The following PCDHGC5 variants were observed in gnomAD, a reference collection of about 807,000 sequenced individuals.
PCDHGC5 encodes protocadherin gamma subfamily C, 5.
Under a neutral mutation model 59.0 loss-of-function variants are expected in PCDHGC5, and 25 were observed. That is an observed-to-expected ratio of 0.42 (90% CI 0.31 to 0.59). The LOEUF (loss-of-function observed/expected upper bound fraction) is 0.59. Among genes scored for constraint, PCDHGC5 ranks in the 20% least tolerant of loss-of-function variants. The probability of loss-of-function intolerance (pLI) is 0.13; values close to 1 mark genes in which losing one functional copy is unlikely to be tolerated. For missense variants in PCDHGC5, 1,067 were observed against 1,206.4 expected (o/e 0.88, Z 1.71); for synonymous variants, 434 against 505.5 (o/e 0.86, Z 1.90).
In PCDHGC5 at chr5:141,511,402, A is replaced by C; in HGVS notation, c.*229A>C. On this transcript the variant is annotated 3_prime_UTR_variant, in exon 4 of 4. Transcript: ENST00000252087. Reference sequence around the variant, plus strand: ...TTCCGCTGGGAACCCCCATCCAATCAACTGCTGTACCCATGGGGGTAGTGG... The same window carrying C: ...TTCCGCTGGGAACCCCCATCCAATCCACTGCTGTACCCATGGGGGTAGTGG... The C allele has an allele frequency of 1.0e-6, 1 of 969,684 alleles. No individual in the cohort carries two copies. 60.1% of individuals were successfully genotyped at this position (969,684 alleles called of 1,614,324 possible).
rs182936964 is a variant in PCDHGC5, at chr5:141,502,069, T to C, written c.2520-3324T>C. 1.1e-3 allele frequency among the ~76,000 whole-genome samples: 175 copies of C among 152,186 alleles called. 1 individual carries two copies. Among genetic ancestry groups the C allele is most frequent in the African/African-American group, 3.9e-3 (162 of 41,524 alleles). ...CCCTACTTTATTCCCATTAGCCCCC[T>C]TCACCTGGGGCTGAGAACACCTGGC... On this transcript the variant is annotated intron_variant, in intron 2 of 3. Coordinates refer to ENST00000252087, the MANE Select transcript of PCDHGC5 (RefSeq NM_018929.3).
rs1007318194 is a variant in PCDHGC5, at chr5:141,512,035, T to G, written c.*862T>G. On this transcript the variant is annotated 3_prime_UTR_variant, in exon 4 of 4. Coordinates refer to ENST00000252087, the MANE Select transcript of PCDHGC5 (RefSeq NM_018929.3). ...AAGTTATCAAGGCCTTGGAGGAGGC[T>G]CTGTATGTCCTCAGGGGACTGACAA... 1.3e-5 allele frequency: 2 copies of G among 152,870 alleles called. No individual in the cohort carries two copies. Among genetic ancestry groups the G allele is most frequent in the African/African-American group, 4.8e-5 (2 of 41,464 alleles). The allele number at this position is 152,870 out of a possible 1,614,324, so 9.5% of individuals were successfully genotyped here.
In PCDHGC5 at chr5:141,505,363, T is replaced by C. The variant is rs751635403; in HGVS notation, c.2520-30T>C. 1.6e-5 allele frequency: 26 copies of C among 1,613,242 alleles called. No individual in the cohort carries two copies. In the Middle Eastern group the frequency reaches 9.9e-4, roughly 61 times the overall value. On this transcript the variant is annotated intron_variant, in intron 2 of 3. Transcript: ENST00000252087. ...GGCATGAGCTGTGCCGGCCTGGGAG[T>C]CTGTGCTCACCATCCTACTCTCTCC... is the stretch of plus-strand genomic sequence containing the variant.
At chr5:141,498,588 A>G (rs1326073516) in intron 2 of PCDHGC5, among the ~76,000 whole-genome samples, 1 of 152,082 alleles carries the variant, frequency 6.6e-6, no homozygotes, top group Non-Finnish European at 1.5e-5. Context: ...GTTCTTCAGT[A>G]AACTTGGTTC....
At chr5:141,492,606 C>G (rs1019615566) in intron 1 of PCDHGC5, among the ~76,000 whole-genome samples, 3 of 152,232 alleles carry the variant, frequency 2.0e-5, no homozygotes, top group African/African-American at 7.2e-5. Flanking sequence ...GACTGCCGCT[C>G]TAAGTGCCGG....
chr5:141,494,491 T>C (rs2099754727), intron 1 of PCDHGC5, among the ~76,000 whole-genome samples: 1 of 152,150 alleles, frequency 6.6e-6, no homozygotes, highest in Admixed American at 6.5e-5. Context: ...AGAAGATGCC[T>C]TCAGTCCTTG....
intron 2 of PCDHGC5, among the ~76,000 whole-genome samples, chr5:141,504,341 CTTTGTGCTAGGT>C (rs963088433): frequency 3.9e-5 from 6 of 152,020 alleles, no homozygotes; most frequent in African/African-American, 1.4e-4. Flanking sequence ...AAGTGCTAGG[CTTTGTGCTAGGT>C]GCTTCAGTAG....
In PCDHGC5 at chr5:141,505,323, G is replaced by T. The variant is rs996747379; in HGVS notation, c.2520-70G>T. 12 of 1,606,640 alleles carry T rather than the reference G, an allele frequency of 7.5e-6. No homozygotes were observed. In the African/African-American group the frequency reaches 1.5e-4, roughly 20 times the overall value. On this transcript the variant is annotated intron_variant, in intron 2 of 3. Transcript: ENST00000252087. Reference sequence around the variant, plus strand: ...TAGGGTACTAGGTTTGGGAGCCCTGGGAGAGGACAGGAGGGGCATGAGCTG... The same window carrying T: ...TAGGGTACTAGGTTTGGGAGCCCTGTGAGAGGACAGGAGGGGCATGAGCTG...
At chr5:141,496,617 A>G (rs2099769939) in intron 2 of PCDHGC5, among the ~76,000 whole-genome samples, 2 of 152,236 alleles carry the variant, frequency 1.3e-5, no homozygotes, top group Admixed American at 1.3e-4. Flanking sequence ...AAAAAGCAGC[A>G]GATCAAAAGG....
At position 141,489,494 on chromosome 5, in the gene PCDHGC5, C is replaced by A. The variant is rs1191408769; in HGVS notation, c.254C>A (p.Ala85Glu). ...CTGAGCTTGATGAGTGGTGCCCTGGCAGTGAATCAAAAGATTGACCGAGAA... is the reference window on the plus strand; with the variant it reads ...CTGAGCTTGATGAGTGGTGCCCTGGAAGTGAATCAAAAGATTGACCGAGAA... The part of the protein sequence containing the change: ...FSLSLMSGAL[A>E]VNQKIDRESL... The change falls in exon 1 of 4, where the codon GCA becomes GAA. Residue 85 changes from alanine (A) to glutamate (E), a missense_variant. Ala to Glu is a moderately radical substitution (Grantham distance 107, BLOSUM62 -1). Coordinates refer to ENST00000252087, the MANE Select transcript of PCDHGC5 (RefSeq NM_018929.3). This position sits in a 1 kb window ranked among gnomAD's most constrained non-coding sequence, Gnocchi z 4.5. 1.1e-5 allele frequency: 18 copies of A among 1,613,932 alleles called. No individual in the cohort carries two copies. The highest frequency in any genetic ancestry group is 1.7e-5 in the Admixed American group (1 of 59,998).
Position 141,490,743 on chromosome 5 carries a change from C to T in PCDHGC5, c.1503C>T (p.Ala501=), listed in dbSNP as rs1011278142. 7.4e-6 allele frequency: 12 copies of T among 1,614,058 alleles called. No homozygotes were observed. The highest frequency in any genetic ancestry group is 1.0e-5 in the Non-Finnish European group (12 of 1,180,038). Residue 501 remains alanine (A), a synonymous_variant, in exon 1 of 4, where the codon GCC becomes GCT. Transcript: ENST00000252087. This position sits in a 1 kb window ranked among gnomAD's most constrained non-coding sequence, Gnocchi z 5.4. ...TTGTAGGAAATCAGGTTCAGGGAGC[C>T]CCAGCCTCCTCCTTTGTGTATGTCA... The part of the protein sequence containing the change: ...YSIVGNQVQG[A]PASSFVYVNP...
intron 2 of PCDHGC5, among the ~76,000 whole-genome samples, chr5:141,503,072 C>T (rs2099817948): frequency 6.6e-6 from 1 of 151,728 alleles, no homozygotes; most frequent in Non-Finnish European, 1.5e-5. Flanking sequence ...TCAGAATGGT[C>T]TCGATCTCCT....
Position 141,490,721 on chromosome 5 carries a change from T to C in PCDHGC5, c.1481T>C (p.Val494Ala), listed in dbSNP as rs779242781. Residue 494 changes from valine to alanine, a missense_variant, in exon 1 of 4, where the codon GTA (valine) becomes GCA (alanine). Coordinates refer to ENST00000252087, the MANE Select transcript of PCDHGC5 (RefSeq NM_018929.3). This position sits in a 1 kb window ranked among gnomAD's most constrained non-coding sequence, Gnocchi z 5.4. The stretch of plus-strand genomic sequence containing the variant: ...AATGCCCGCCTCACCTACTCCATTG[T>C]AGGAAATCAGGTTCAGGGAGCCCCA... ...GDNARLTYSI[V>A]GNQVQGAPAS... 23 of 1,614,056 alleles carry C rather than the reference T, an allele frequency of 1.4e-5. No individual in the cohort carries two copies. The highest frequency in any genetic ancestry group is 6.6e-5 in the South Asian group (6 of 91,080).
In PCDHGC5 at chr5:141,490,925, C is replaced by T; in HGVS notation, c.1685C>T (p.Pro562Leu). 1 of 1,613,688 alleles carries T rather than the reference C, an allele frequency of 6.2e-7. No homozygotes were observed. The highest frequency in any genetic ancestry group is 8.5e-7 in the Non-Finnish European group (1 of 1,179,700). Residue 562 changes from proline (P) to leucine (L), a missense_variant, in exon 1 of 4, where the codon CCA becomes CTA. By Grantham distance (98) the Pro-to-Leu change is moderately conservative. Coordinates refer to ENST00000252087, the MANE Select transcript of PCDHGC5 (RefSeq NM_018929.3). The surrounding 1 kb of genome is among the most constrained non-coding windows in gnomAD (Gnocchi z 5.4). ...VFVLDENDNAPAVLHPRPDWE... is the reference protein window; with the variant it reads ...VFVLDENDNALAVLHPRPDWE... ...GTCCTAGACGAGAATGATAATGCCC[C>T]AGCTGTGCTGCACCCACGGCCAGAC... is the stretch of plus-strand genomic sequence containing the variant.
chr5:141,494,906 A>T, intron 2 of PCDHGC5, 41 bp downstream of exon 2: 1 of 1,613,800 alleles, frequency 6.2e-7, no homozygotes, highest in Non-Finnish European at 8.5e-7. Flanking sequence ...TCTCTGCGGC[A>T]TTTTCTCAGG....
chr5:141,492,146 C>T (rs979485619), intron 1 of PCDHGC5, among the ~76,000 whole-genome samples: 3 of 152,242 alleles, frequency 2.0e-5, no homozygotes, highest in African/African-American at 4.8e-5. Flanking sequence ...TGTGACTTCA[C>T]TGTTACCCTC....
chr5:141,489,458 G>A lies in PCDHGC5; in HGVS notation c.218G>A (p.Arg73His), dbSNP rs143138320. 3.5e-5 allele frequency: 56 copies of A among 1,614,042 alleles called. No homozygotes were observed. The highest frequency in any genetic ancestry group is 8.0e-5 in the African/African-American group (6 of 75,052). ...CAATTGGGCTCTGAGGAGAATGGGC[G>A]CTATTTTTCCCTGAGCTTGATGAGT... is the stretch of plus-strand genomic sequence containing the variant. Reference protein sequence around the residue: ...RLQLGSEENGRYFSLSLMSGA... With the variant: ...RLQLGSEENGHYFSLSLMSGA... The change falls in exon 1 of 4, where the codon CGC becomes CAC. Residue 73 changes from arginine (R) to histidine (H), a missense_variant. Physicochemically the swap from Arg to His is conservative, Grantham distance 29 (BLOSUM62 0). Transcript: ENST00000252087. This position sits in a 1 kb window ranked among gnomAD's most constrained non-coding sequence, Gnocchi z 4.5.
chr5:141,511,381 G>A lies in PCDHGC5; in HGVS notation c.*208G>A, dbSNP rs545793377. 97 of 1,170,372 alleles carry A rather than the reference G, an allele frequency of 8.3e-5. No homozygotes were observed. In the East Asian group the frequency reaches 9.2e-4, roughly 11 times the overall value. 72.5% of individuals were successfully genotyped at this position (1,170,372 alleles called of 1,614,324 possible). On this transcript the variant is annotated 3_prime_UTR_variant, in exon 4 of 4. Transcript: ENST00000252087. ...GGGTTGAATATGCAAAAGCAGTTCC[G>A]CTGGGAACCCCCATCCAATCAACTG...
Position 141,511,107 on chromosome 5 carries a change from G to A in PCDHGC5, c.2769G>A (p.Arg923=), listed in dbSNP as rs2099883608. 1 of 1,614,220 alleles carries A rather than the reference G, an allele frequency of 6.2e-7. No homozygotes were observed. Among genetic ancestry groups the A allele is most frequent in the Non-Finnish European group, 8.5e-7 (1 of 1,180,020 alleles). Residue 923 remains arginine, a synonymous_variant, in exon 4 of 4, where the codon CGG becomes CGA. Coordinates refer to ENST00000252087, the MANE Select transcript of PCDHGC5 (RefSeq NM_018929.3). Reference sequence around the variant, plus strand: ...CACTGACCAACGCAGCTGGCAAGCGGGATGGCAAGGCCCCAGCAGGTGGCA... The same window carrying A: ...CACTGACCAACGCAGCTGGCAAGCGAGATGGCAAGGCCCCAGCAGGTGGCA... The part of the protein sequence containing the change: ...NATLTNAAGK[R]DGKAPAGGNG...
Sources: gnomAD v4.1 joint callset for allele counts (sites outside exome capture counted in the v4.1 genomes callset) on GRCh38, gnomAD v4.1.1 for gene constraint, Gnocchi (gnomAD v3.1) non-coding constraint, MANE v1.5 for transcripts, NCBI Gene and HGNC (gene_info 2026-07-23, HGNC 2026-07-21) for gene names.